KCNH1: variants seen among roughly 807,000 people sequenced by gnomAD.
KCNH1 encodes potassium voltage-gated channel subfamily H member 1, also known as voltage-gated delayed rectifier potassium channel KCNH1.
Under a neutral mutation model 69.2 loss-of-function variants are expected in KCNH1, and 27 were observed. The observed-to-expected ratio is 0.39, with a 90% confidence interval of 0.29 to 0.54. KCNH1 has a LOEUF of 0.54. KCNH1 is among the 20% of genes least tolerant of loss of function. KCNH1 has a pLI of 0.68. For missense variants in KCNH1, 798 were observed against 1,261.6 expected (o/e 0.63, Z 5.57); for synonymous variants, 456 against 487.7 (o/e 0.93, Z 0.86).
intron 10 of KCNH1, among the ~76,000 whole-genome samples, chr1:210,711,244 C>T (rs373033100): frequency 2.0e-5 from 3 of 152,338 alleles, no homozygotes; most frequent in African/African-American, 7.2e-5. Flanking sequence ...TGCCAGAAAT[C>T]TTGTGGGAAA....
chr1:210,963,297 G>A (rs1010140673), intron 6 of KCNH1, among the ~76,000 whole-genome samples: 5 of 152,132 alleles, frequency 3.3e-5, no homozygotes, highest in African/African-American at 1.2e-4. Context: ...CAACATTAAA[G>A]TCCAAAGGTA....
Position 211,090,647 on chromosome 1 carries a change from G to A in KCNH1, c.354C>T (p.Asn118=), listed in dbSNP as rs140856802. The change falls in exon 4 of 11, where the codon AAC becomes AAT. Residue 118 remains asparagine, a synonymous_variant. Coordinates refer to ENST00000271751, the MANE Select transcript of KCNH1 (RefSeq NM_172362.3). ...GAAATAAAACCACTTTATCCTGTTC[G>A]TTTCGAATTGGAGCAATTTTCACAA... ...WFFVKIAPIR[N]EQDKVVLFLC... The A allele has an allele frequency of 3.2e-5, 51 of 1,606,950 alleles. No homozygotes were observed. The highest frequency in any genetic ancestry group is 1.7e-4 in the Middle Eastern group (1 of 6,040).
intron 6 of KCNH1, among the ~76,000 whole-genome samples, chr1:210,996,395 C>A (rs567291482): frequency 6.6e-6 from 1 of 152,310 alleles, no homozygotes; most frequent in African/African-American, 2.4e-5. Flanking sequence ...GCTAGCACAG[C>A]AGTCTGAGAT....
chr1:210,847,531 G>A (rs1685584059), intron 7 of KCNH1, among the ~76,000 whole-genome samples: 1 of 148,308 alleles, frequency 6.7e-6, no homozygotes, highest in Admixed American at 6.8e-5. Flanking sequence ...ACTGAACAAT[G>A]AGAACACATG....
At chr1:210,952,308 T>G (rs992753859) in intron 6 of KCNH1, among the ~76,000 whole-genome samples, 23 of 152,186 alleles carry the variant, frequency 1.5e-4, no homozygotes, top group Non-Finnish European at 2.9e-5. Flanking sequence ...ACACCATATC[T>G]TTCCTTTCTC....
intron 6 of KCNH1, among the ~76,000 whole-genome samples, chr1:210,980,418 G>A (rs1688687399): frequency 6.6e-6 from 1 of 152,132 alleles, no homozygotes; most frequent in Admixed American, 6.6e-5. Flanking sequence ...AGATTTACAG[G>A]CAGCATGATA....
At position 210,861,045 on chromosome 1, in the gene KCNH1, T is replaced by G; in HGVS notation, c.1463-56879A>C. On this transcript the variant is annotated intron_variant, in intron 7 of 10. Coordinates refer to ENST00000271751, the MANE Select transcript of KCNH1 (RefSeq NM_172362.3). ...GTAAGAATCTGGTAACAAAATCCCA[T>G]AGTCTTTTGAAGTACCTCCTTCCTC... 2.9e-6 allele frequency: 3 copies of G among 1,036,750 alleles called. No individual in the cohort carries two copies. The South Asian group carries it at 3.8e-5, about 13-fold the overall frequency. 64.2% of individuals were successfully genotyped at this position (1,036,750 alleles called of 1,614,324 possible). A position where few individuals can be genotyped will look rare whatever the true frequency, so the allele number is the denominator to read the frequency against.
At chr1:210,802,144 G>A (rs970717076) in intron 8 of KCNH1, among the ~76,000 whole-genome samples, 1 of 152,206 alleles carries the variant, frequency 6.6e-6, no homozygotes, top group African/African-American at 2.4e-5. Flanking sequence ...ACAAATATCT[G>A]TTCTTAATGC....
chr1:210,875,797 T>C (rs2102500932), intron 7 of KCNH1, among the ~76,000 whole-genome samples: 1 of 135,656 alleles, frequency 7.4e-6, no homozygotes, highest in East Asian at 2.0e-4. Context: ...AGCAAGACAC[T>C]TTCTCAAAAA....
intron 5 of KCNH1, among the ~76,000 whole-genome samples, chr1:211,033,213 T>C (rs1317769617): frequency 4.6e-5 from 7 of 152,236 alleles, no homozygotes; most frequent in Non-Finnish European, 8.8e-5. Flanking sequence ...CACAATGAGA[T>C]ACCATCTCAC....
chr1:211,123,750 A>G (rs1032546175), intron 1 of KCNH1, among the ~76,000 whole-genome samples: 2 of 152,142 alleles, frequency 1.3e-5, no homozygotes, highest in Non-Finnish European at 2.9e-5. Flanking sequence ...AGAGACCAAT[A>G]ATAGCAAGAC....
intron 6 of KCNH1, 134 bp downstream of exon 6, chr1:211,018,649 T>C: frequency 2.7e-6 from 2 of 738,546 alleles, no homozygotes; most frequent in South Asian, 3.7e-5. Context: ...CAAGGGTATC[T>C]ATCAAGCATG....
At chr1:210,884,579 C>A (rs1487625431) in intron 7 of KCNH1, among the ~76,000 whole-genome samples, 8 of 152,200 alleles carry the variant, frequency 5.3e-5, no homozygotes, top group Non-Finnish European at 1.2e-4. Flanking sequence ...TTTCCTCAAC[C>A]TCAGGATTAC....
In KCNH1 at chr1:210,681,718, G is replaced by GGTAA. The variant is rs1681271137; in HGVS notation, c.*1559_*1562dup. 6.6e-6 allele frequency: 1 copy of GGTAA among 152,212 alleles called. No individual in the cohort carries two copies. The highest frequency in any genetic ancestry group is 1.5e-5 in the Non-Finnish European group (1 of 68,070). 9.4% of individuals were successfully genotyped at this position (152,212 alleles called of 1,614,324 possible). ...GGGGTCACCGTCTAACACAGGCAAAGGTAAGCTCCCTGGATAAGTCCATGC... is the reference window on the plus strand; with the variant it reads ...GGGGTCACCGTCTAACACAGGCAAAGGTAAGTAAGCTCCCTGGATAAGTCCATGC... On this transcript the variant is annotated 3_prime_UTR_variant, in exon 11 of 11. Transcript: ENST00000271751.
At chr1:210,953,188 C>A (rs991551722) in intron 6 of KCNH1, among the ~76,000 whole-genome samples, 4 of 152,210 alleles carry the variant, frequency 2.6e-5, no homozygotes, top group African/African-American at 9.6e-5. Context: ...GCTAAGCCCT[C>A]CAGCTCTGCT....
chr1:211,125,095 C>T (rs1476936458), intron 1 of KCNH1, among the ~76,000 whole-genome samples: 1 of 152,172 alleles, frequency 6.6e-6, no homozygotes, highest in African/African-American at 2.4e-5. Context: ...GAGACATAAC[C>T]TTTAATCAGG....
intron 10 of KCNH1, among the ~76,000 whole-genome samples, chr1:210,772,510 CTTTT>C (rs35948855): frequency 6.9e-6 from 1 of 143,940 alleles, no homozygotes. Flanking sequence ...TGACAAGCCT[CTTTT>C]TTTTTTTTTC....
At chr1:210,870,946 C>G (rs886602209) in intron 7 of KCNH1, among the ~76,000 whole-genome samples, 1 of 152,140 alleles carries the variant, frequency 6.6e-6, no homozygotes, top group African/African-American at 2.4e-5. Context: ...AGCTGGATAG[C>G]CCCAGACAAT....
chr1:211,026,323 T>A (rs530873317), intron 5 of KCNH1, among the ~76,000 whole-genome samples: 1 of 145,918 alleles, frequency 6.9e-6, no homozygotes, highest in East Asian at 2.1e-4. Context: ...CCTCATGTGT[T>A]CCTGACTTGG....
Sources: gnomAD v4.1 joint callset for allele counts (sites outside exome capture counted in the v4.1 genomes callset) on GRCh38, gnomAD v4.1.1 for gene constraint, MANE v1.5 for transcripts, NCBI Gene and HGNC (gene_info 2026-07-23, HGNC 2026-07-21) for gene names.